Variants in SPTBN5 observed in about 807,000 individuals in gnomAD.
SPTBN5 encodes the protein spectrin beta, non-erythrocytic 5.
A neutral mutation model predicts 477.6 loss-of-function variants in SPTBN5; 513 were observed. The observed-to-expected ratio is 1.07, with a 90% confidence interval of 1.00 to 1.16. The LOEUF is 1.16. Ranked by LOEUF, SPTBN5 falls within the 50% of genes most tolerant of loss-of-function variation. The pLI is 0.00. For missense variants in SPTBN5, 5,062 were observed against 4,731.8 expected, an observed-to-expected ratio of 1.07 and a Z score of -2.05; for synonymous variants, 2,169 against 2,011.7, an observed-to-expected ratio of 1.08 and a Z score of -2.09.
rs776847086 is a variant in SPTBN5, at chr15:41,878,315, G to A, written c.3470+27C>T. 21 of 1,606,442 alleles carry A rather than the reference G, an allele frequency of 1.3e-5. No homozygotes were observed. In the South Asian group the frequency reaches 1.4e-4, roughly 11 times the overall value. On this transcript the variant is annotated intron_variant, in intron 17 of 67. Transcript: ENST00000320955. ...CAGAGCCCTGGTCCCAGCCCAAAGT[G>A]CACCCCTTCTGCCCTCCTGTCCTGA...
intron 13 of SPTBN5, 119 bp from the exon 14 acceptor site, chr15:41,880,431 C>T: frequency 1.8e-6 from 2 of 1,101,578 alleles, no homozygotes; most frequent in Non-Finnish European, 2.5e-6. Flanking sequence ...GGGTCAGGGC[C>T]AGAGGGGGTC....
Position 41,857,710 on chromosome 15 carries a change from C to T in SPTBN5, c.8227G>A (p.Glu2743Lys). The T allele has an allele frequency of 6.4e-7, 1 of 1,568,644 alleles. No homozygotes were observed. Among genetic ancestry groups the T allele is most frequent in the Non-Finnish European group, 8.6e-7 (1 of 1,159,980 alleles). ...CCCCCCTGCAGCAGCCTCTGTCCCT[C>T]CTGCAGCCACAACATGAAACACACC... ...SMHQQQELQR[E>K]GQRLLQGGHP... The change falls in exon 50 of 68, where the codon GAG becomes AAG. Residue 2743 changes from glutamate to lysine, a missense_variant and splice_region_variant. Glu to Lys is a moderately conservative substitution (Grantham distance 56). Coordinates refer to ENST00000320955, the MANE Select transcript of SPTBN5 (RefSeq NM_016642.4).
Position 41,855,277 on chromosome 15 carries a change from T to C in SPTBN5, c.9370A>G (p.Lys3124Glu). 1 of 1,612,402 alleles carries C rather than the reference T, an allele frequency of 6.2e-7. No homozygotes were observed. The highest frequency in any genetic ancestry group is 1.3e-5 in the African/African-American group (1 of 75,066). ...TCCTGGGACTCGGCGGTGGCCGCCT[T>C]GGTGGTCAGCCAGGCGTCGAGGAGC... ...TLLLDAWLTT[K>E]AATAESQDYG... Residue 3124 changes from lysine (K) to glutamate (E), a missense_variant, in exon 55 of 68, where the codon AAG (lysine) becomes GAG (glutamate). Transcript: ENST00000320955.
chr15:41,867,741 T>G (rs980019182), intron 34 of SPTBN5, 99 bp from the exon 35 acceptor site: 1 of 1,143,486 alleles, frequency 8.7e-7, no homozygotes, highest in African/African-American at 1.5e-5. Flanking sequence ...TGGCAGGGCC[T>G]TAGGAGTGCC....
chr15:41,865,767 C>A (rs552820650), intron 39 of SPTBN5, 41 bp downstream of exon 39: 7 of 1,504,366 alleles, frequency 4.7e-6, no homozygotes, highest in East Asian at 2.5e-5. Context: ...ATTTTCAGTG[C>A]GGGATGCATG....
chr15:41,869,591 T>C (rs1463464620), intron 32 of SPTBN5, among the ~76,000 whole-genome samples: 2 of 152,210 alleles, frequency 1.3e-5, no homozygotes, highest in Non-Finnish European at 2.9e-5. Flanking sequence ...CTCCCAGCCC[T>C]GTCTGGGACC....
chr15:41,870,549 G>A lies in SPTBN5; in HGVS notation c.5459C>T (p.Ser1820Leu), dbSNP rs559462554. The change falls in exon 30 of 68, where the codon TCG (serine) becomes TTG (leucine). Residue 1820 changes from serine to leucine, a missense_variant. By Grantham distance (145) the Ser-to-Leu change is moderately radical. Coordinates refer to ENST00000320955, the MANE Select transcript of SPTBN5 (RefSeq NM_016642.4). ...QRQQDLQTAW[S>L]ELWELTQARG... The stretch of plus-strand genomic sequence containing the variant: ...GGCCTGGGTCAGCTCCCACAGCTCC[G>A]ACCAGGCGGTCCTGCCCACGGCGTG... 3.5e-5 allele frequency: 57 copies of A among 1,608,270 alleles called. 1 individual carries two copies. In the East Asian group the frequency reaches 9.4e-4, roughly 26 times the overall value.
At chr15:41,871,233 A>C (rs1236202126) in intron 29 of SPTBN5, 142 bp downstream of exon 29, 3 of 1,006,458 alleles carry the variant, frequency 3.0e-6, no homozygotes, top group Non-Finnish European at 2.6e-6. Flanking sequence ...GCTTCTCTGG[A>C]GCTAGGCCCC....
At chr15:41,881,791 A>C in intron 12 of SPTBN5, 145 bp downstream of exon 12, 2 of 696,170 alleles carry the variant, frequency 2.9e-6, no homozygotes, top group Non-Finnish European at 4.5e-6. Flanking sequence ...GCCACTGAGG[A>C]CTGGGGTGAG....
At chr15:41,870,158 G>T in intron 31 of SPTBN5, 85 bp downstream of exon 31, 2 of 1,481,654 alleles carry the variant, frequency 1.3e-6, no homozygotes, top group Non-Finnish European at 1.8e-6. Flanking sequence ...GGCCCTGAGG[G>T]ACAGTGGAAA....
rs751400701 is a variant in SPTBN5, at chr15:41,855,765, G to GC, written c.9022-21_9022-20insG. 9.5e-5 allele frequency: 147 copies of GC among 1,547,860 alleles called. No individual in the cohort carries two copies. In the Admixed American group the frequency reaches 2.7e-3, roughly 28 times the overall value. On this transcript the variant is annotated intron_variant, in intron 53 of 67. Transcript: ENST00000320955. ...CAGGAGCTGGGGGTGACAGAGTGGA[G>GC]ATCCGTTTTCCCGGGGCACCCTCCA...
intron 12 of SPTBN5, 118 bp downstream of exon 12, chr15:41,881,818 G>T: frequency 6.1e-6 from 6 of 987,300 alleles, no homozygotes; most frequent in Non-Finnish European, 8.5e-6. Flanking sequence ...CTACACCCAC[G>T]GGAAGGCCAC....
intron 65 of SPTBN5, 27 bp from the exon 66 acceptor site, chr15:41,850,966 T>C (rs1444584034): frequency 1.3e-6 from 2 of 1,593,846 alleles, no homozygotes; most frequent in Non-Finnish European, 1.7e-6. Flanking sequence ...CAGGTCAAAC[T>C]CCACTGTCCC....
In SPTBN5 at chr15:41,863,830, GT is replaced by G. The variant is rs566834190; in HGVS notation, c.7035-13del. 47 of 1,613,686 alleles carry G rather than the reference GT, an allele frequency of 2.9e-5. No homozygotes were observed. The South Asian group carries it at 4.7e-4, about 16-fold the overall frequency. ...GGAAACTCGCCCACCTGGCCAAGGG[GT>G]GGTGGTGTCATGTGGAGCCTGAGGT... is the stretch of plus-strand genomic sequence containing the variant. On this transcript the variant is annotated splice_polypyrimidine_tract_variant and intron_variant, in intron 40 of 67. Coordinates refer to ENST00000320955, the MANE Select transcript of SPTBN5 (RefSeq NM_016642.4).
rs372368737 is a variant in SPTBN5 at position 41,858,861 on chromosome 15, G to A, written c.8079+29C>T. On this transcript the variant is annotated intron_variant, in intron 48 of 67. Coordinates refer to ENST00000320955, the MANE Select transcript of SPTBN5 (RefSeq NM_016642.4). ...CCTGGGTCGACTCCTTCCCCACCAT[G>A]ACCGCCTCCCTCTCCAAGCGAGGCG... 3 of 1,552,630 alleles carry A rather than the reference G, an allele frequency of 1.9e-6. No homozygotes were observed. The African/African-American group carries it at 4.1e-5, about 21-fold the overall frequency.
intron 49 of SPTBN5, 83 bp downstream of exon 49, chr15:41,858,519 G>T (rs2065994164): frequency 2.7e-6 from 4 of 1,485,858 alleles, no homozygotes; most frequent in Non-Finnish European, 3.6e-6. Context: ...CACCGTTACT[G>T]TGGTTCAGCA....
chr15:41,886,544 C>T (rs1036326239), intron 6 of SPTBN5, among the ~76,000 whole-genome samples, 178 bp from the exon 7 acceptor site: 1 of 152,218 alleles, frequency 6.6e-6, no homozygotes, highest in African/African-American at 2.4e-5. Context: ...CACACTCAGA[C>T]CCAGGAGCTT....
rs759266316 is a variant in SPTBN5 at position 41,868,092 on chromosome 15, CCAGGCGGCCGCA to C, written c.6172_6183del (p.Cys2058_Leu2061del). On this transcript the variant is annotated inframe_deletion, in exon 34 of 68. Transcript: ENST00000320955. ...GCCTCCTGGGCCGCGAGGATCTCCT[CCAGGCGGCCGCA>C]CTCTCTGAGGAAGAGCTGCTCCTGC... The C allele has an allele frequency of 1.2e-6, 2 of 1,604,140 alleles. No individual in the cohort carries two copies. Among genetic ancestry groups the C allele is most frequent in the South Asian group, 2.2e-5 (2 of 89,306 alleles).
chr15:41,852,749 T>C lies in SPTBN5; in HGVS notation c.10348-14A>G, dbSNP rs756383138. 8 of 1,606,780 alleles carry C rather than the reference T, an allele frequency of 5.0e-6. No homozygotes were observed. In the South Asian group the frequency reaches 7.7e-5, roughly 15 times the overall value. Reference sequence around the variant, plus strand: ...TGACACTGAGTGCTGGGGAGAAGCATGTTCAGGTGACGCCCAGCTTGGGGG... The same window carrying C: ...TGACACTGAGTGCTGGGGAGAAGCACGTTCAGGTGACGCCCAGCTTGGGGG... On this transcript the variant is annotated splice_polypyrimidine_tract_variant and intron_variant, in intron 60 of 67. Coordinates refer to ENST00000320955, the MANE Select transcript of SPTBN5 (RefSeq NM_016642.4).
Sources: gnomAD v4.1 joint callset for allele counts (sites outside exome capture counted in the v4.1 genomes callset) on GRCh38, gnomAD v4.1.1 for gene constraint, MANE v1.5 for transcripts, NCBI Gene and HGNC (gene_info 2026-07-23, HGNC 2026-07-21) for gene names.